LINGO2: variants seen among roughly 807,000 people sequenced by gnomAD.
LINGO2 encodes the protein leucine rich repeat and Ig domain containing 2, also known as leucine-rich repeat and immunoglobulin-like domain-containing nogo receptor-interacting protein 2.
In LINGO2, 14 loss-of-function variants were observed where a neutral mutation model predicts 30.6. That is an observed-to-expected ratio of 0.46 (90% CI 0.30 to 0.72). The LOEUF is 0.72. Among genes scored for constraint, LINGO2 ranks in the 30% least tolerant of loss-of-function variants. LINGO2 has a pLI of 0.07. For missense variants in LINGO2, 729 were observed against 751.7 expected (o/e 0.97, Z 0.35); for synonymous variants, 317 against 288.5 (o/e 1.10, Z -1.00).
At chr9:28,140,039 C>T (rs1827629566) in intron 4 of LINGO2, among the ~76,000 whole-genome samples, 1 of 152,178 alleles carries the variant, frequency 6.6e-6, no homozygotes, top group Admixed American at 6.5e-5. Flanking sequence ...TACAATTAAA[C>T]AATTACAAGG....
At chr9:28,518,177 T>TA (rs143083022) in intron 1 of LINGO2, among the ~76,000 whole-genome samples, 2,635 of 152,204 alleles carry the variant, frequency 0.017, 46 homozygotes, top group Non-Finnish European at 0.025. Context: ...CACCCCATTT[T>TA]AAAAATGAGA....
the LINGO2 span, among the ~76,000 whole-genome samples, chr9:28,925,175 C>T: frequency 2.6e-5 from 4 of 152,112 alleles, no homozygotes; most frequent in Admixed American, 6.6e-5. Flanking sequence ...AAAATTTAAA[C>T]GCTTTTTAAA....
the LINGO2 span, among the ~76,000 whole-genome samples, chr9:28,815,893 T>G: frequency 6.6e-6 from 1 of 152,208 alleles, no homozygotes; most frequent in Non-Finnish European, 1.5e-5. Flanking sequence ...TAATCCATTT[T>G]GTGCTGCTAG....
At chr9:27,987,140 G>A (rs1393185442) in intron 5 of LINGO2, among the ~76,000 whole-genome samples, 4 of 151,832 alleles carry the variant, frequency 2.6e-5, no homozygotes, top group African/African-American at 9.7e-5. Context: ...GGGTACTTAT[G>A]AGGATGAAAG....
the LINGO2 span, among the ~76,000 whole-genome samples, chr9:28,993,507 C>T: frequency 6.6e-6 from 1 of 152,000 alleles, no homozygotes; most frequent in Non-Finnish European, 1.5e-5. Flanking sequence ...TCCTCCCTAA[C>T]TCATTTTATG....
the LINGO2 span, among the ~76,000 whole-genome samples, chr9:29,115,739 T>A: frequency 1.3e-5 from 2 of 152,052 alleles, no homozygotes; most frequent in African/African-American, 2.4e-5. Flanking sequence ...AGAATACTAA[T>A]GTAATGCATG....
intron 4 of LINGO2, among the ~76,000 whole-genome samples, chr9:28,100,250 A>G (rs1587847112): frequency 6.6e-6 from 1 of 152,282 alleles, no homozygotes; most frequent in East Asian, 1.9e-4. Context: ...CTCTTTCTGT[A>G]ATAGCAGGTG....
intron 4 of LINGO2, among the ~76,000 whole-genome samples, chr9:28,050,191 A>C (rs1215199647): frequency 6.6e-6 from 1 of 150,556 alleles, no homozygotes; most frequent in Non-Finnish European, 1.5e-5. Context: ...AAGGAGGAAC[A>C]AATTGAGGGA....
At chr9:28,141,720 G>C (rs1827677623) in intron 4 of LINGO2, among the ~76,000 whole-genome samples, 1 of 152,068 alleles carries the variant, frequency 6.6e-6, no homozygotes, top group African/African-American at 2.4e-5. Flanking sequence ...TTCAAGACCA[G>C]CTTGGGCAAC....
rs921845365 is a variant in LINGO2 at position 28,444,089 on chromosome 9, G to A, written c.-279+31851C>T. On this transcript the variant is annotated intron_variant, in intron 2 of 5. Transcript: ENST00000379992. ...CTTTGGGTGTCCTGAGAGCTGTTCC[G>A]TCACTCAATAAAGTTCCTCTCTGCC... Among the ~76,000 whole-genome samples, 53 of 152,230 alleles carry A rather than the reference G, an allele frequency of 3.5e-4. 1 individual carries two copies. Among genetic ancestry groups the A allele is most frequent in the African/African-American group, 1.1e-3 (44 of 41,538 alleles).
intron 4 of LINGO2, among the ~76,000 whole-genome samples, chr9:28,044,415 G>C (rs915538316): frequency 6.6e-6 from 1 of 152,082 alleles, no homozygotes; most frequent in Non-Finnish European, 1.5e-5. Flanking sequence ...GAGACAGTGG[G>C]GGCTGCCCCA....
chr9:29,139,171 T>G, the LINGO2 span, among the ~76,000 whole-genome samples: 1 of 152,070 alleles, frequency 6.6e-6, no homozygotes, highest in East Asian at 1.9e-4. Context: ...CAACAACCCA[T>G]GAAGAACTGA....
At chr9:29,031,370 T>G in the LINGO2 span, among the ~76,000 whole-genome samples, 4 of 151,934 alleles carry the variant, frequency 2.6e-5, no homozygotes, top group Non-Finnish European at 5.9e-5. Flanking sequence ...GTAACCTCCA[T>G]CTCCAGGGTT....
chr9:28,916,826 T>A, the LINGO2 span, among the ~76,000 whole-genome samples: 1 of 152,236 alleles, frequency 6.6e-6, no homozygotes, highest in African/African-American at 2.4e-5. Context: ...CAGGTTCCAT[T>A]TTAAATAGGT....
intron 4 of LINGO2, among the ~76,000 whole-genome samples, chr9:28,287,804 G>A (rs550677505): frequency 1.8e-4 from 28 of 152,268 alleles, no homozygotes; most frequent in Non-Finnish European, 2.6e-4. Context: ...GTGTGTGTGC[G>A]TATGTGTGCA....
chr9:28,614,855 A>T (rs1213449437), intron 1 of LINGO2, among the ~76,000 whole-genome samples: 1 of 152,038 alleles, frequency 6.6e-6, no homozygotes, highest in Non-Finnish European at 1.5e-5. Flanking sequence ...TCAGGTGTCA[A>T]CCCTACATTC....
the LINGO2 span, among the ~76,000 whole-genome samples, chr9:29,097,647 A>AT: frequency 1.0e-4 from 14 of 136,930 alleles, 2 homozygotes; most frequent in Non-Finnish European, 2.1e-4. Context: ...AAAATAAGCA[A>AT]TTTTTTTTTC....
chr9:28,472,484 C>A (rs373628350), intron 2 of LINGO2, among the ~76,000 whole-genome samples: 10 of 151,716 alleles, frequency 6.6e-5, no homozygotes, highest in Non-Finnish European at 7.4e-5. Context: ...ACTGTCAGAC[C>A]GAAGATAATC....
intron 4 of LINGO2, among the ~76,000 whole-genome samples, chr9:28,257,005 C>T (rs147816809): frequency 2.1e-3 from 312 of 151,770 alleles, no homozygotes; most frequent in African/African-American, 7.2e-3. Context: ...TATTAATAAA[C>T]ATAATTGCTA....
Sources: allele counts gnomAD v4.1 joint callset (sites outside exome capture counted in the v4.1 genomes callset), GRCh38; gene constraint gnomAD v4.1.1; transcripts MANE v1.5; gene names NCBI Gene and HGNC (gene_info 2026-07-23, HGNC 2026-07-21).